Variants in RSF1 observed in about 807,000 individuals in gnomAD.
RSF1 encodes remodeling and spacing factor 1.
RSF1 carries 13 observed loss-of-function variants against 145.2 expected under a neutral mutation model. The observed-to-expected ratio is 0.09, with a 90% CI of 0.06 to 0.14. The LOEUF is 0.14. Among genes scored for constraint, RSF1 ranks in the 10% least tolerant of loss-of-function variants. The probability of loss-of-function intolerance (pLI) is 1.00; values close to 1 mark genes in which losing one functional copy is unlikely to be tolerated. For synonymous variants in RSF1, 577 were observed against 592.6 expected (o/e 0.97, Z 0.38); for missense variants, 1,517 against 1,718.2 (o/e 0.88, Z 2.07).
At chr11:77,812,269 A>T (rs1310598963) in intron 1 of RSF1, among the ~76,000 whole-genome samples, 1 of 152,178 alleles carries the variant, frequency 6.6e-6, no homozygotes, top group African/African-American at 2.4e-5. Context: ...TTTTTTGGTG[A>T]TTATCAAAGA....
intron 1 of RSF1, among the ~76,000 whole-genome samples, chr11:77,811,941 A>G (rs1948735365): frequency 6.6e-6 from 1 of 152,066 alleles, no homozygotes; most frequent in Admixed American, 6.6e-5. Flanking sequence ...GGGGAGGCTG[A>G]GTCAGGTGGA....
At chr11:77,857,137 C>A in the RSF1 span, among the ~76,000 whole-genome samples, 2 of 152,156 alleles carry the variant, frequency 1.3e-5, no homozygotes, top group African/African-American at 4.8e-5. Flanking sequence ...ACCTTTTCTG[C>A]CTTCAAGAAG....
chr11:77,703,159 GATC>G (rs1960465243), intron 5 of RSF1: 2 of 152,168 alleles, frequency 1.3e-5, no homozygotes, highest in South Asian at 2.1e-4. Context: ...TCCTCAATGT[GATC>G]ATATTACAAC....
chr11:77,705,610 T>C (rs894375373), intron 5 of RSF1, among the ~76,000 whole-genome samples: 8 of 152,216 alleles, frequency 5.3e-5, no homozygotes, highest in African/African-American at 1.9e-4. Context: ...CTTAAAGCTG[T>C]GAGTCATGTG....
intron 1 of RSF1, among the ~76,000 whole-genome samples, chr11:77,773,283 A>T (rs954807244): frequency 4.1e-5 from 6 of 146,770 alleles, no homozygotes; most frequent in Admixed American, 1.4e-4. Flanking sequence ...CATTTTAATC[A>T]TTTTTTTTTT....
At chr11:77,788,280 C>G (rs765752054) in intron 1 of RSF1, among the ~76,000 whole-genome samples, 1 of 146,282 alleles carries the variant, frequency 6.8e-6, no homozygotes, top group Non-Finnish European at 1.5e-5. Flanking sequence ...AAAATCAAAC[C>G]TGACCCAGAA....
Position 77,720,327 on chromosome 11 carries a change from G to C in RSF1, c.733+5218C>G, listed in dbSNP as rs553758446. Reference sequence around the variant, plus strand: ...TAGTAGAATTAAAAACTAAATGTTAGTTGGGCTTCCCTCAGCTTTTTCCCC... The same window carrying C: ...TAGTAGAATTAAAAACTAAATGTTACTTGGGCTTCCCTCAGCTTTTTCCCC... On this transcript the variant is annotated intron_variant, in intron 5 of 15. Coordinates refer to ENST00000308488, the MANE Select transcript of RSF1 (RefSeq NM_016578.4). Among the ~76,000 whole-genome samples the C allele has an allele frequency of 2.0e-5, 3 of 152,278 alleles. No homozygotes were observed. In the East Asian group the frequency reaches 5.8e-4, roughly 29 times the overall value.
intron 1 of RSF1, among the ~76,000 whole-genome samples, chr11:77,767,139 A>G (rs1056256594): frequency 2.6e-5 from 4 of 152,222 alleles, no homozygotes; most frequent in African/African-American, 9.7e-5. Flanking sequence ...TGGCTATCTC[A>G]TGGAATTTTG....
At chr11:77,727,471 T>C (rs1294866934) in intron 4 of RSF1, among the ~76,000 whole-genome samples, 1 of 121,560 alleles carries the variant, frequency 8.2e-6, no homozygotes, top group Non-Finnish European at 1.6e-5. Flanking sequence ...TTACTTCCAC[T>C]ACTTTTTTTT....
chr11:77,787,419 C>T (rs976040545), intron 1 of RSF1, among the ~76,000 whole-genome samples: 5 of 152,014 alleles, frequency 3.3e-5, no homozygotes, highest in African/African-American at 1.2e-4. Context: ...TTTAAAACTA[C>T]ATAAAATTTA....
At chr11:77,825,041 C>T (rs1356561207), upstream of RSF1, among the ~76,000 whole-genome samples, 3 of 152,086 alleles carry the variant, frequency 2.0e-5, no homozygotes, top group Middle Eastern at 3.2e-3. Context: ...AGTGCAGTGA[C>T]GCGATCTCAG....
At chr11:77,783,339 A>G (rs1322682052) in intron 1 of RSF1, among the ~76,000 whole-genome samples, 1 of 152,210 alleles carries the variant, frequency 6.6e-6, no homozygotes, top group Non-Finnish European at 1.5e-5. Flanking sequence ...ATTTAATTTT[A>G]ACATATTTAT....
intron 10 of RSF1, among the ~76,000 whole-genome samples, chr11:77,684,247 T>TA (rs1959945112): frequency 6.6e-6 from 1 of 152,230 alleles, no homozygotes; most frequent in Admixed American, 6.5e-5. Flanking sequence ...TGAAATTACT[T>TA]ATACACATTT....
At chr11:77,667,827 C>T (rs968336107) in intron 15 of RSF1, among the ~76,000 whole-genome samples, 1 of 152,148 alleles carries the variant, frequency 6.6e-6, no homozygotes, top group Non-Finnish European at 1.5e-5. Context: ...CCTCAGCCTC[C>T]CGAGTAGCTG....
At position 77,691,069 on chromosome 11, in the gene RSF1, C is replaced by A. The variant is rs188372899; in HGVS notation, c.2900+90G>T. ...GGCCCACAGGCCACAGTATGCCAAT[C>A]CTTGTTTTAGATGGATCCATTTATC... On this transcript the variant is annotated intron_variant, in intron 9 of 15. Coordinates refer to ENST00000308488, the MANE Select transcript of RSF1 (RefSeq NM_016578.4). The A allele has an allele frequency of 1.5e-4, 201 of 1,304,396 alleles. No homozygotes were observed. In the East Asian group the frequency reaches 4.5e-3, roughly 29 times the overall value. 80.8% of individuals were successfully genotyped at this position (1,304,396 alleles called of 1,614,324 possible). A position where few individuals can be genotyped will look rare whatever the true frequency, so the allele number is the denominator to read the frequency against.
chr11:77,723,590 T>G (rs1294278428), intron 5 of RSF1, among the ~76,000 whole-genome samples: 2 of 152,190 alleles, frequency 1.3e-5, no homozygotes, highest in African/African-American at 4.8e-5. Flanking sequence ...TAAAACCACA[T>G]AAGCAATGAA....
chr11:77,711,048 G>T (rs944819377), intron 5 of RSF1, among the ~76,000 whole-genome samples: 1 of 150,794 alleles, frequency 6.6e-6, no homozygotes, highest in Non-Finnish European at 1.5e-5. Flanking sequence ...ATGCTCACAG[G>T]TACTGGGTTT....
intron 1 of RSF1, among the ~76,000 whole-genome samples, chr11:77,770,125 G>A (rs185559219): frequency 4.6e-5 from 7 of 152,140 alleles, no homozygotes; most frequent in African/African-American, 1.7e-4. Context: ...CAAAGAAACA[G>A]CTCAAGACTA....
chr11:77,675,887 C>T (rs1311590019), intron 13 of RSF1, among the ~76,000 whole-genome samples: 1 of 152,214 alleles, frequency 6.6e-6, no homozygotes, highest in Admixed American at 6.5e-5. Flanking sequence ...AAACCCTTCA[C>T]TGGTTTTGTA....
Sources: gnomAD v4.1 joint callset for allele counts (sites outside exome capture counted in the v4.1 genomes callset) on GRCh38, gnomAD v4.1.1 for gene constraint, MANE v1.5 for transcripts, NCBI Gene and HGNC (gene_info 2026-07-23, HGNC 2026-07-21) for gene names.